The following RABGAP1L variants were observed in gnomAD, a reference collection of about 807,000 sequenced individuals.
RABGAP1L encodes the protein RAB GTPase activating protein 1 like.
Under a neutral mutation model 137.7 loss-of-function variants are expected in RABGAP1L, and 63 were observed. The observed-to-expected ratio is 0.46, with a 90% CI of 0.37 to 0.56. The LOEUF (loss-of-function observed/expected upper bound fraction) is 0.56, where lower values mean the gene tolerates loss of function less well. RABGAP1L is among the 20% of genes least tolerant of loss of function. The pLI is 0.00. For synonymous variants in RABGAP1L, 431 were observed against 433.7 expected (o/e 0.99, Z 0.08); for missense variants, 1,095 against 1,244.0 (o/e 0.88, Z 1.80).
chr1:174,329,995 ATGTGGATGCTTACTT>A (rs1680888700), intron 11 of RABGAP1L, among the ~76,000 whole-genome samples: 1 of 152,108 alleles, frequency 6.6e-6, no homozygotes, highest in Non-Finnish European at 1.5e-5. Context: ...CTGGAACAAG[ATGTGGATGCTTACTT>A]TTACCACTGC....
At chr1:174,656,800 A>C (rs182628170) in intron 14 of RABGAP1L, among the ~76,000 whole-genome samples, 1 of 152,312 alleles carries the variant, frequency 6.6e-6, no homozygotes, top group African/African-American at 2.4e-5. Flanking sequence ...GATTGAATAG[A>C]CATGTCCTTA....
chr1:174,800,684 T>G (rs1259928130), intron 18 of RABGAP1L, among the ~76,000 whole-genome samples: 2 of 152,140 alleles, frequency 1.3e-5, no homozygotes, highest in Non-Finnish European at 2.9e-5. Flanking sequence ...ACACCACCCC[T>G]TAATTGGTTA....
intron 11 of RABGAP1L, among the ~76,000 whole-genome samples, chr1:174,331,464 A>C (rs1369814380): frequency 6.6e-6 from 1 of 152,234 alleles, no homozygotes; most frequent in Non-Finnish European, 1.5e-5. Context: ...TCTGATTTAA[A>C]AATGGGCAAA....
chr1:174,544,635 C>G (rs1665833346), intron 13 of RABGAP1L, among the ~76,000 whole-genome samples: 1 of 152,206 alleles, frequency 6.6e-6, no homozygotes, highest in South Asian at 2.1e-4. Context: ...CAGCTTTGTT[C>G]TATTGCTGGC....
chr1:174,663,973 T>A (rs973178504), intron 14 of RABGAP1L, among the ~76,000 whole-genome samples: 2 of 152,150 alleles, frequency 1.3e-5, no homozygotes, highest in African/African-American at 2.4e-5. Context: ...GGCTGTGATG[T>A]GCCTTGCAAA....
At chr1:174,633,042 G>T (rs922750428) in intron 13 of RABGAP1L, among the ~76,000 whole-genome samples, 2 of 152,128 alleles carry the variant, frequency 1.3e-5, no homozygotes, top group Non-Finnish European at 2.9e-5. Context: ...GGGCAGTCAG[G>T]CAGGAGAAGG....
chr1:174,401,099 G>A (rs1288355870), intron 13 of RABGAP1L, among the ~76,000 whole-genome samples: 2 of 152,098 alleles, frequency 1.3e-5, no homozygotes. Context: ...CAGAAGAGCT[G>A]TTATATGTAA....
chr1:174,200,935 C>T (rs1268818365), intron 1 of RABGAP1L, among the ~76,000 whole-genome samples: 1 of 152,148 alleles, frequency 6.6e-6, no homozygotes, highest in Non-Finnish European at 1.5e-5. Context: ...TCTGAAGTCA[C>T]TGTGGCTTTG....
At chr1:174,775,654 T>C (rs1012777441) in intron 18 of RABGAP1L, among the ~76,000 whole-genome samples, 2 of 152,062 alleles carry the variant, frequency 1.3e-5, no homozygotes, top group African/African-American at 4.8e-5. Flanking sequence ...GTCTATATAG[T>C]CTACCCTACT....
intron 1 of RABGAP1L, among the ~76,000 whole-genome samples, chr1:174,161,192 T>G (rs542264069): frequency 6.6e-6 from 1 of 151,038 alleles, no homozygotes; most frequent in East Asian, 1.9e-4. Flanking sequence ...TTTTAACATA[T>G]TATGTAGCCT....
intron 19 of RABGAP1L, among the ~76,000 whole-genome samples, chr1:174,824,565 A>G (rs1037277225): frequency 1.3e-5 from 2 of 152,282 alleles, no homozygotes; most frequent in Non-Finnish European, 1.5e-5. Flanking sequence ...AGGTTGGGCC[A>G]TTGGATCCTG....
chr1:174,437,042 G>C (rs1329635439), intron 13 of RABGAP1L, among the ~76,000 whole-genome samples: 2 of 152,182 alleles, frequency 1.3e-5, no homozygotes, highest in African/African-American at 4.8e-5. Flanking sequence ...CAAACAGAAA[G>C]GACATCCACA....
At chr1:174,297,875 C>G (rs1677272017) in intron 10 of RABGAP1L, among the ~76,000 whole-genome samples, 2 of 152,206 alleles carry the variant, frequency 1.3e-5, no homozygotes, top group Admixed American at 1.3e-4. Flanking sequence ...AACACTTTAC[C>G]CTTTTGCTGG....
chr1:174,292,718 C>T (rs1676748501), intron 10 of RABGAP1L, among the ~76,000 whole-genome samples: 1 of 152,096 alleles, frequency 6.6e-6, no homozygotes, highest in Non-Finnish European at 1.5e-5. Context: ...GATGTGTGCT[C>T]TGCAGTTGTT....
chr1:174,430,018 T>C lies in RABGAP1L; in HGVS notation c.1710+35873T>C, dbSNP rs1005611354. ...TCTTGATTTTTTGATACAAAGCATG[T>C]AAATTTAAAATTGTATTTCCCAATA... On this transcript the variant is annotated intron_variant, in intron 13 of 25. Transcript: ENST00000681986. Among the ~76,000 whole-genome samples, 4 of 152,224 alleles carry C rather than the reference T, an allele frequency of 2.6e-5. No individual in the cohort carries two copies. In the East Asian group the frequency reaches 7.7e-4, roughly 29 times the overall value.
At chr1:174,438,536 A>T (rs1301474497) in intron 13 of RABGAP1L, among the ~76,000 whole-genome samples, 1 of 151,680 alleles carries the variant, frequency 6.6e-6, no homozygotes, top group East Asian at 1.9e-4. Context: ...TGGTCAACAT[A>T]GTGAAACCCC....
At chr1:174,573,729 T>C (rs1572369682) in intron 13 of RABGAP1L, among the ~76,000 whole-genome samples, 1 of 150,378 alleles carries the variant, frequency 6.6e-6, no homozygotes, top group East Asian at 1.9e-4. Context: ...ACTTGTTTTA[T>C]CTTCAATTAT....
intron 19 of RABGAP1L, among the ~76,000 whole-genome samples, chr1:174,931,415 A>AT (rs1160624331): frequency 6.6e-6 from 1 of 151,808 alleles, no homozygotes; most frequent in Non-Finnish European, 1.5e-5. Context: ...TCTTTCAGGG[A>AT]TTTTCTTTGT....
intron 17 of RABGAP1L, among the ~76,000 whole-genome samples, chr1:174,748,851 G>A (rs1020634422): frequency 1.3e-5 from 2 of 151,922 alleles, no homozygotes; most frequent in African/African-American, 2.4e-5. Flanking sequence ...CTCCAGTCTG[G>A]GTGACAGAAC....
Sources: allele counts gnomAD v4.1 joint callset (sites outside exome capture counted in the v4.1 genomes callset), GRCh38; gene constraint gnomAD v4.1.1; transcripts MANE v1.5; gene names NCBI Gene and HGNC (gene_info 2026-07-23, HGNC 2026-07-21).